Variants in AP4S1 observed in about 807,000 individuals in gnomAD.
AP4S1 encodes AP-4 complex subunit sigma-1.
A neutral mutation model predicts 19.8 loss-of-function variants in AP4S1; 23 were observed. The observed-to-expected ratio is 1.16, with a 90% CI of 0.84 to 1.65. The LOEUF (loss-of-function observed/expected upper bound fraction) is 1.65, where lower values mean the gene tolerates loss of function less well. Among genes scored for constraint, AP4S1 ranks in the 40% most tolerant of loss-of-function variants. The pLI is 0.00. For synonymous variants in AP4S1, 46 were observed against 54.1 expected (o/e 0.85, Z 0.66); for missense variants, 166 against 172.8 (o/e 0.96, Z 0.22).
rs1202339604 is a variant in AP4S1 at position 31,066,167 on chromosome 14, A to G, written c.-30A>G. On this transcript the variant is annotated 5_prime_UTR_variant, in exon 2 of 6. Transcript: ENST00000542754. ...TCCCTTGTCATAACTTTTGAACTGT[A>G]TTTGGAAAAATACTGGCCAGGAAAG... 2 of 1,612,084 alleles carry G rather than the reference A, an allele frequency of 1.2e-6. No individual in the cohort carries two copies. The highest frequency in any genetic ancestry group is 2.2e-5 in the East Asian group (1 of 44,834).
intron 1 of AP4S1, among the ~76,000 whole-genome samples, chr14:31,062,964 G>A (rs1886520293): frequency 1.4e-5 from 2 of 145,190 alleles, no homozygotes; most frequent in African/African-American, 5.1e-5. Context: ...ACGAGACTCC[G>A]TTTCCAAAAA....
At position 31,037,390 on chromosome 14, in the gene AP4S1, G is replaced by A. The variant is rs372610703; in HGVS notation, c.-72+11603G>A. Reference sequence around the variant, plus strand: ...TTTCACTGTTATTGTGAGGAGGTTCGGGAAGATCCCAGAATCTGCTGCTGC... The same window carrying A: ...TTTCACTGTTATTGTGAGGAGGTTCAGGAAGATCCCAGAATCTGCTGCTGC... On this transcript the variant is annotated intron_variant, in intron 1 of 5. Coordinates refer to ENST00000542754, the MANE Select transcript of AP4S1 (RefSeq NM_001128126.3). Among the ~76,000 whole-genome samples the A allele has an allele frequency of 1.8e-4, 28 of 152,066 alleles. No individual in the cohort carries two copies. The East Asian group carries it at 1.9e-3, about 11-fold the overall frequency.
intron 4 of AP4S1, 55 bp from the exon 5 acceptor site, chr14:31,080,518 G>A: frequency 7.0e-7 from 1 of 1,436,962 alleles, no homozygotes; most frequent in Non-Finnish European, 9.8e-7. Flanking sequence ...TCTGCTAAGA[G>A]CAGTGGTCCC....
intron 4 of AP4S1, among the ~76,000 whole-genome samples, chr14:31,079,622 C>G (rs533347977): frequency 7.1e-4 from 108 of 152,106 alleles, no homozygotes; most frequent in African/African-American, 2.3e-3. Context: ...CTCAGGAGTT[C>G]AAGACCAGTC....
At chr14:31,060,031 G>GTATATATGTATATATATTTATA (rs1886347846) in intron 1 of AP4S1, among the ~76,000 whole-genome samples, 2 of 110,106 alleles carry the variant, frequency 1.8e-5, no homozygotes, top group Non-Finnish European at 3.9e-5. Flanking sequence ...ATATATTTAT[G>GTATATATGTATATATATTTATA]TATATATGTA....
intron 1 of AP4S1, chr14:31,026,061 C>T (rs1883879886): frequency 2.0e-6 from 3 of 1,524,546 alleles, no homozygotes; most frequent in African/African-American, 1.4e-5. Context: ...GGCCGGAGGA[C>T]CCCCGCCGCC....
chr14:31,073,457 T>A (rs1171411220), intron 4 of AP4S1, among the ~76,000 whole-genome samples: 1 of 144,444 alleles, frequency 6.9e-6, no homozygotes, highest in African/African-American at 2.5e-5. Flanking sequence ...GCCACTGCAC[T>A]CCAGCCTGGG....
rs148109049 is a variant in AP4S1, at chr14:31,040,148, CT to C, written c.-72+14379del. Among the ~76,000 whole-genome samples the C allele has an allele frequency of 4.6e-4, 60 of 129,498 alleles. 1 individual carries two copies. Among genetic ancestry groups the C allele is most frequent in the Middle Eastern group, 4.0e-3 (1 of 252 alleles). The allele number at this position is 129,498 out of a possible 152,430, so 85.0% of individuals were successfully genotyped here. A position where few individuals can be genotyped will look rare whatever the true frequency, so the allele number is the denominator to read the frequency against. On this transcript the variant is annotated intron_variant, in intron 1 of 5. Transcript: ENST00000542754. ...TGTGTAAAGTCAAATTACTCTGCAT[CT>C]TTTTTTTTTTTTTTTTTCCTGAGAC...
chr14:31,054,579 G>A (rs899115184), intron 1 of AP4S1, among the ~76,000 whole-genome samples: 10 of 152,140 alleles, frequency 6.6e-5, no homozygotes, highest in African/African-American at 2.4e-4. Flanking sequence ...CTACTTGGGA[G>A]GCTGAGGCAG....
chr14:31,038,453 C>T (rs539949434), intron 1 of AP4S1, among the ~76,000 whole-genome samples: 7 of 152,302 alleles, frequency 4.6e-5, no homozygotes, highest in Admixed American at 4.6e-4. Context: ...GCTAGCAAAA[C>T]ATGCATATTA....
intron 1 of AP4S1, among the ~76,000 whole-genome samples, chr14:31,032,072 A>C (rs1284526253): frequency 1.0e-4 from 6 of 57,792 alleles, no homozygotes; most frequent in Non-Finnish European, 1.9e-4. Context: ...ACCTTGTCCC[A>C]AAAAAAAAAA....
intron 4 of AP4S1, among the ~76,000 whole-genome samples, chr14:31,075,830 C>G (rs1413897085): frequency 6.6e-6 from 1 of 151,130 alleles, no homozygotes; most frequent in East Asian, 1.9e-4. Flanking sequence ...ACCTCCACCT[C>G]CCAGGTTCAA....
intron 1 of AP4S1, among the ~76,000 whole-genome samples, chr14:31,059,303 T>C (rs1886302227): frequency 6.6e-6 from 1 of 152,212 alleles, no homozygotes; most frequent in South Asian, 2.1e-4. Context: ...ATGTCCTTAT[T>C]TGTCATCCTT....
At chr14:31,035,572 A>G (rs1046784098) in intron 1 of AP4S1, among the ~76,000 whole-genome samples, 4 of 151,440 alleles carry the variant, frequency 2.6e-5, no homozygotes, top group East Asian at 3.9e-4. Context: ...TAAAAAAAAG[A>G]TGGTAATTCC....
At chr14:31,027,309 A>G (rs1309963921) in intron 1 of AP4S1, 2 of 152,214 alleles carry the variant, frequency 1.3e-5, no homozygotes, top group Non-Finnish European at 2.9e-5. Context: ...AACAGAAAAT[A>G]AAAGCACTGT....
chr14:31,074,691 A>G (rs74380626), intron 4 of AP4S1, among the ~76,000 whole-genome samples: 12 of 152,250 alleles, frequency 7.9e-5, no homozygotes, highest in Non-Finnish European at 1.5e-4. Flanking sequence ...AAATAAATAA[A>G]GTAAGTGTAT....
Position 31,045,224 on chromosome 14 carries a change from C to G in AP4S1, c.-72+19437C>G, listed in dbSNP as rs943420087. On this transcript the variant is annotated intron_variant, in intron 1 of 5. Coordinates refer to ENST00000542754, the MANE Select transcript of AP4S1 (RefSeq NM_001128126.3). ...GCCTGTTGTCTATAATTTTTTAAAA[C>G]AACTTTAGGTATAATGTATATACCA... Among the ~76,000 whole-genome samples the G allele has an allele frequency of 4.2e-4, 64 of 152,106 alleles. 1 individual carries two copies. The highest frequency in any genetic ancestry group is 2.9e-5 in the Non-Finnish European group (2 of 68,022).
chr14:31,049,333 G>A (rs1242817753), intron 1 of AP4S1, among the ~76,000 whole-genome samples: 1 of 147,080 alleles, frequency 6.8e-6, no homozygotes, highest in African/African-American at 2.5e-5. Flanking sequence ...AGAATGGTGT[G>A]AACCCGGGAG....
chr14:31,037,421 C>G (rs906667956), intron 1 of AP4S1, among the ~76,000 whole-genome samples: 6 of 140,140 alleles, frequency 4.3e-5, no homozygotes, highest in Non-Finnish European at 9.7e-5. Flanking sequence ...GCTGCCATCA[C>G]CACTACTTTC....
Sources: allele counts gnomAD v4.1 joint callset (sites outside exome capture counted in the v4.1 genomes callset), GRCh38; gene constraint gnomAD v4.1.1; transcripts MANE v1.5; gene names NCBI Gene and HGNC (gene_info 2026-07-23, HGNC 2026-07-21).